The following ATXN7L1 variants were observed in gnomAD, a reference collection of about 807,000 sequenced individuals.
The protein encoded by ATXN7L1 is ataxin 7 like 1, also known as ataxin-7-like protein 1.
Under a neutral mutation model 70.8 loss-of-function variants are expected in ATXN7L1, and 15 were observed. The ratio of observed to expected loss-of-function variants is 0.21; its 90% CI spans 0.14 to 0.33. The LOEUF is 0.33. Among genes scored for constraint, ATXN7L1 ranks in the 10% least tolerant of loss-of-function variants. The pLI, the probability that ATXN7L1 is intolerant of heterozygous loss-of-function variation, is 1.00. For missense variants in ATXN7L1, 975 were observed against 1,097.1 expected (o/e 0.89, Z 1.57); for synonymous variants, 440 against 445.1 (o/e 0.99, Z 0.14).
chr7:105,698,434 T>C (rs1792020202), intron 3 of ATXN7L1, among the ~76,000 whole-genome samples: 1 of 152,144 alleles, frequency 6.6e-6, no homozygotes, highest in African/African-American at 2.4e-5. Flanking sequence ...GTGTGACCAT[T>C]GCTCACTGCA....
At chr7:105,860,128 A>ATATATATAT (rs1816360529) in intron 2 of ATXN7L1, among the ~76,000 whole-genome samples, 1 of 70,800 alleles carries the variant, frequency 1.4e-5, no homozygotes, top group East Asian at 5.2e-4. Context: ...TTTATATGTA[A>ATATATATAT]ATATATATAT....
chr7:105,624,244 C>T lies in ATXN7L1; in HGVS notation c.1226G>A (p.Ser409Asn). 2.7e-6 allele frequency: 4 copies of T among 1,455,734 alleles called. No individual in the cohort carries two copies. The highest frequency in any genetic ancestry group is 3.7e-6 in the Non-Finnish European group (4 of 1,093,694). 90.2% of individuals were successfully genotyped at this position (1,455,734 alleles called of 1,614,324 possible). The part of the protein sequence containing the change: ...LPRPSSANSI[S>N]SSTSSNHSGH... The stretch of plus-strand genomic sequence containing the variant: ...GCTATGATTTGAAGATGTGCTGCTG[C>T]TTATGCTATTTGCAGATGATGGTCT... Residue 409 changes from serine to asparagine, a missense_variant, in exon 8 of 12, where the codon AGC becomes AAC. Physicochemically the swap from Ser to Asn is conservative, Grantham distance 46. This residue lies in a region of ATXN7L1 where 635 missense variants were observed against 699.4 expected (regional missense o/e 0.91). Coordinates refer to ENST00000419735, the MANE Select transcript of ATXN7L1 (RefSeq NM_020725.2).
intron 8 of ATXN7L1, among the ~76,000 whole-genome samples, chr7:105,621,436 T>A (rs1236271394): frequency 6.6e-6 from 1 of 152,198 alleles, no homozygotes; most frequent in African/African-American, 2.4e-5. Flanking sequence ...ACTATCAGTG[T>A]ATAGACAGGG....
chr7:105,810,574 C>T (rs1808285933), intron 2 of ATXN7L1, among the ~76,000 whole-genome samples: 1 of 152,192 alleles, frequency 6.6e-6, no homozygotes, highest in Non-Finnish European at 1.5e-5. Context: ...GATTGTGAGG[C>T]TGGAGCACAT....
chr7:105,741,328 C>T (rs970444534), intron 3 of ATXN7L1, among the ~76,000 whole-genome samples: 2 of 152,180 alleles, frequency 1.3e-5, no homozygotes, highest in Admixed American at 6.5e-5. Context: ...TGTCAGAGCA[C>T]TGGGCCAACA....
At chr7:105,873,461 G>C (rs73193847) in intron 2 of ATXN7L1, among the ~76,000 whole-genome samples, 15 of 152,274 alleles carry the variant, frequency 9.9e-5, no homozygotes, top group Non-Finnish European at 1.8e-4. Flanking sequence ...AGCATTACTG[G>C]AGATCCAGGT....
intron 9 of ATXN7L1, among the ~76,000 whole-genome samples, chr7:105,619,140 G>GTCTTTTTTTTTTTTTTTTTTT (rs1794377647): frequency 2.0e-5 from 1 of 49,846 alleles, no homozygotes; most frequent in Non-Finnish European, 3.3e-5. Context: ...GAAATCTTTA[G>GTCTTTTTTTTTTTTTTTTTTT]TTTTTTTTTT....
rs750783879 is a variant in ATXN7L1, at chr7:105,860,128, AATATATATATATATATATACAT to A, written c.250+15662_250+15683del. ...ATATACAGATAGATCTTTATATGTA[AATATATATATATATATATACAT>A]ATATATATATATATATATGAAAACA... On this transcript the variant is annotated intron_variant, in intron 2 of 11. Coordinates refer to ENST00000419735, the MANE Select transcript of ATXN7L1 (RefSeq NM_020725.2). Among the ~76,000 whole-genome samples the A allele has an allele frequency of 2.1e-3, 146 of 70,800 alleles. 3 individuals are homozygous for A. Among genetic ancestry groups the A allele is most frequent in the African/African-American group, 7.1e-3 (128 of 18,086 alleles). The allele number at this position is 70,800 out of a possible 152,430, so 46.4% of individuals were successfully genotyped here.
intron 4 of ATXN7L1, among the ~76,000 whole-genome samples, chr7:105,658,195 C>A (rs939958840): frequency 2.0e-5 from 3 of 146,514 alleles, no homozygotes; most frequent in Non-Finnish European, 4.5e-5. Context: ...CTGGCCTGGG[C>A]GACAGAGCTA....
chr7:105,774,871 G>A (rs940091398), intron 3 of ATXN7L1, among the ~76,000 whole-genome samples: 1 of 151,960 alleles, frequency 6.6e-6, no homozygotes. Context: ...CCCTAGAGAA[G>A]GCTTCGGAAT....
At chr7:105,783,724 T>C (rs1387079329) in intron 3 of ATXN7L1, among the ~76,000 whole-genome samples, 1 of 152,218 alleles carries the variant, frequency 6.6e-6, no homozygotes, top group Non-Finnish European at 1.5e-5. Flanking sequence ...TTATATCCTT[T>C]ATAATATAAA....
chr7:105,856,006 T>C (rs982897286), intron 2 of ATXN7L1, among the ~76,000 whole-genome samples: 1 of 152,230 alleles, frequency 6.6e-6, no homozygotes, highest in Admixed American at 6.5e-5. Context: ...TCTAGCTTTA[T>C]TGTGAATACT....
At chr7:105,648,715 G>C (rs1029431156) in intron 4 of ATXN7L1, among the ~76,000 whole-genome samples, 1 of 152,146 alleles carries the variant, frequency 6.6e-6, no homozygotes, top group African/African-American at 2.4e-5. Flanking sequence ...GGCCCCGTGT[G>C]CATCCCCCTC....
chr7:105,759,645 T>C (rs924153952), intron 3 of ATXN7L1, among the ~76,000 whole-genome samples: 4 of 152,128 alleles, frequency 2.6e-5, no homozygotes, highest in Non-Finnish European at 2.9e-5. Context: ...CGATTCCTTC[T>C]GGAACACAGG....
At chr7:105,809,770 C>T (rs568414041) in intron 2 of ATXN7L1, among the ~76,000 whole-genome samples, 236 of 143,650 alleles carry the variant, frequency 1.6e-3, no homozygotes, top group African/African-American at 5.6e-3. Flanking sequence ...TGGCTCCAGA[C>T]TCCTTTTTTT....
intron 3 of ATXN7L1, among the ~76,000 whole-genome samples, chr7:105,769,372 C>T (rs532995076): frequency 9.9e-5 from 15 of 152,238 alleles, no homozygotes; most frequent in African/African-American, 2.9e-4. Context: ...AAACAGGCGA[C>T]GGCACACTAT....
intron 3 of ATXN7L1, among the ~76,000 whole-genome samples, chr7:105,731,985 C>T (rs868293233): frequency 2.0e-5 from 3 of 151,732 alleles, no homozygotes; most frequent in African/African-American, 4.8e-5. Flanking sequence ...CCCAGCTTTT[C>T]GGGAGGCTGA....
chr7:105,797,804 T>C (rs1447116266), intron 2 of ATXN7L1, among the ~76,000 whole-genome samples: 1 of 152,252 alleles, frequency 6.6e-6, no homozygotes, highest in Non-Finnish European at 1.5e-5. Flanking sequence ...GCAGCTTTCC[T>C]AAGGCTGTTG....
At chr7:105,610,639 G>A (rs537461663) in intron 10 of ATXN7L1, 36 bp from the exon 11 acceptor site, 18 of 1,532,590 alleles carry the variant, frequency 1.2e-5, no homozygotes, top group Middle Eastern at 1.7e-4. Context: ...TCAGACACAC[G>A]AGCCAGCCTG....
Sources: gnomAD v4.1 joint callset for allele counts (sites outside exome capture counted in the v4.1 genomes callset) on GRCh38, gnomAD v4.1.1 for gene constraint, gnomAD v4.1.1 regional missense constraint, MANE v1.5 for transcripts, NCBI Gene and HGNC (gene_info 2026-07-23, HGNC 2026-07-21) for gene names.